LDLRAD3: variants seen among roughly 807,000 people sequenced by gnomAD.
LDLRAD3 encodes the protein low density lipoprotein receptor class A domain containing 3, also known as low-density lipoprotein receptor class A domain-containing protein 3.
LDLRAD3 carries 20 observed loss-of-function variants against 29.4 expected under a neutral mutation model. The observed-to-expected ratio is 0.68, with a 90% CI of 0.48 to 0.99. The LOEUF (loss-of-function observed/expected upper bound fraction) is 0.99, where lower values mean the gene tolerates loss of function less well. Among genes scored for constraint, LDLRAD3 ranks in the 50% least tolerant of loss-of-function variants. LDLRAD3 has a pLI of 0.00. For missense variants in LDLRAD3, 420 were observed against 454.3 expected, an observed-to-expected ratio of 0.92 and a Z score of 0.69; for synonymous variants, 157 against 192.7, an observed-to-expected ratio of 0.81 and a Z score of 1.53.
intron 4 of LDLRAD3, among the ~76,000 whole-genome samples, chr11:36,164,517 G>A (rs1854488323): frequency 6.6e-6 from 1 of 152,232 alleles, no homozygotes; most frequent in South Asian, 2.1e-4. Context: ...AACTTGCCAA[G>A]AAAGGAAAAT....
intron 4 of LDLRAD3, among the ~76,000 whole-genome samples, chr11:36,180,940 C>T (rs1429326691): frequency 1.3e-5 from 2 of 152,178 alleles, no homozygotes; most frequent in African/African-American, 2.4e-5. Context: ...AATGGAAGGA[C>T]GGAGCTACCA....
chr11:36,178,646 C>T (rs191643245), intron 4 of LDLRAD3, among the ~76,000 whole-genome samples: 44 of 152,330 alleles, frequency 2.9e-4, no homozygotes, highest in Non-Finnish European at 5.1e-4. Flanking sequence ...CTTGCAGTTT[C>T]TCTCCTTCCA....
At chr11:36,123,462 A>G (rs937394952) in intron 4 of LDLRAD3, among the ~76,000 whole-genome samples, 7 of 152,186 alleles carry the variant, frequency 4.6e-5, no homozygotes, top group African/African-American at 1.7e-4. Flanking sequence ...TAGAAGTACA[A>G]AATCGCAAGC....
chr11:36,191,576 C>CTATATATATATATA (rs71310173), intron 4 of LDLRAD3, among the ~76,000 whole-genome samples: 4 of 53,440 alleles, frequency 7.5e-5, no homozygotes, highest in Admixed American at 2.1e-4. Flanking sequence ...CTCTCTCTCT[C>CTATATATATATATA]TATATATATA....
intron 4 of LDLRAD3, among the ~76,000 whole-genome samples, chr11:36,169,194 G>T (rs1854560463): frequency 6.6e-6 from 1 of 152,116 alleles, no homozygotes; most frequent in Admixed American, 6.5e-5. Flanking sequence ...TGTTTATGGG[G>T]TACATGTGAT....
chr11:35,998,824 A>G (rs977026560), intron 1 of LDLRAD3, among the ~76,000 whole-genome samples: 1 of 152,202 alleles, frequency 6.6e-6, no homozygotes, highest in Non-Finnish European at 1.5e-5. Context: ...AAATAGAGCA[A>G]TTTAACTGAC....
intron 4 of LDLRAD3, among the ~76,000 whole-genome samples, chr11:36,160,485 G>A (rs1854422980): frequency 6.6e-6 from 1 of 151,972 alleles, no homozygotes; most frequent in Non-Finnish European, 1.5e-5. Flanking sequence ...CCCATATTTA[G>A]CCTTGCAGCA....
At chr11:36,061,110 C>T (rs1407478743) in intron 2 of LDLRAD3, among the ~76,000 whole-genome samples, 1 of 152,082 alleles carries the variant, frequency 6.6e-6, no homozygotes, top group Non-Finnish European at 1.5e-5. Flanking sequence ...TGTCTTCTTC[C>T]TCTTCCTCAT....
rs149726782 is a variant in LDLRAD3 at position 36,105,435 on chromosome 11, G to A, written c.454+6974G>A. On this transcript the variant is annotated intron_variant, in intron 4 of 5. Coordinates refer to ENST00000315571, the MANE Select transcript of LDLRAD3 (RefSeq NM_174902.4). Reference sequence around the variant, plus strand: ...CCTTGTTGAATTGTCCTCCTCCCCCGCTGAAATTCTTGTGTTAATGTCCTA... The same window carrying A: ...CCTTGTTGAATTGTCCTCCTCCCCCACTGAAATTCTTGTGTTAATGTCCTA... Among the ~76,000 whole-genome samples the A allele has an allele frequency of 8.1e-3, 1,238 of 152,100 alleles. 6 individuals carry two copies. The highest frequency in any genetic ancestry group is 0.011 in the Non-Finnish European group (773 of 67,978).
chr11:35,960,677 AC>A (rs1162240381), intron 1 of LDLRAD3, among the ~76,000 whole-genome samples: 22 of 151,784 alleles, frequency 1.4e-4, no homozygotes, highest in African/African-American at 4.6e-4. Context: ...GCTCACTGCA[AC>A]CCCCCGCCTG....
intron 4 of LDLRAD3, among the ~76,000 whole-genome samples, chr11:36,140,009 T>C (rs1017985803): frequency 6.6e-6 from 1 of 152,106 alleles, no homozygotes; most frequent in African/African-American, 2.4e-5. Flanking sequence ...AAATGACATA[T>C]CTCTTATTGG....
chr11:36,032,491 G>T (rs545932229), intron 1 of LDLRAD3, among the ~76,000 whole-genome samples: 1 of 152,220 alleles, frequency 6.6e-6, no homozygotes, highest in East Asian at 1.9e-4. Flanking sequence ...GGAGTGAGAA[G>T]TGAGAAGTCC....
chr11:35,971,203 G>A (rs922728500), intron 1 of LDLRAD3, among the ~76,000 whole-genome samples: 2 of 152,030 alleles, frequency 1.3e-5, no homozygotes, highest in African/African-American at 4.8e-5. Context: ...CCTTCCATCT[G>A]GGAGAGAGAA....
chr11:35,997,828 T>G (rs1851774556), intron 1 of LDLRAD3, among the ~76,000 whole-genome samples: 1 of 152,182 alleles, frequency 6.6e-6, no homozygotes, highest in Non-Finnish European at 1.5e-5. Flanking sequence ...AGATTATGAA[T>G]TCAAGGGTCA....
intron 1 of LDLRAD3, among the ~76,000 whole-genome samples, chr11:36,006,874 A>T (rs1851891761): frequency 1.3e-5 from 2 of 152,190 alleles, no homozygotes; most frequent in African/African-American, 4.8e-5. Context: ...CCAGATGTCG[A>T]CTATTCCCCT....
At chr11:36,021,204 G>C (rs144812219) in intron 1 of LDLRAD3, among the ~76,000 whole-genome samples, 1 of 152,336 alleles carries the variant, frequency 6.6e-6, no homozygotes, top group East Asian at 1.9e-4. Flanking sequence ...GAAGGGAAGA[G>C]AACTGAATTG....
intron 4 of LDLRAD3, among the ~76,000 whole-genome samples, chr11:36,168,991 A>G (rs879552193): frequency 5.9e-5 from 9 of 152,198 alleles, no homozygotes; most frequent in Non-Finnish European, 1.0e-4. Flanking sequence ...AGAATGACAT[A>G]TGAGGAATGA....
chr11:36,127,542 A>G (rs1269789239), intron 4 of LDLRAD3, among the ~76,000 whole-genome samples: 1 of 152,186 alleles, frequency 6.6e-6, no homozygotes, highest in Non-Finnish European at 1.5e-5. Context: ...TAGGTACTCA[A>G]GAAATGCTTG....
intron 1 of LDLRAD3, among the ~76,000 whole-genome samples, chr11:35,965,871 A>G (rs1458917191): frequency 6.6e-6 from 1 of 152,204 alleles, no homozygotes; most frequent in Non-Finnish European, 1.5e-5. Context: ...AACAGGTTGC[A>G]TTCATTAAGA....
Sources: allele counts gnomAD v4.1 joint callset (sites outside exome capture counted in the v4.1 genomes callset), GRCh38; gene constraint gnomAD v4.1.1; transcripts MANE v1.5; gene names NCBI Gene and HGNC (gene_info 2026-07-23, HGNC 2026-07-21).